The following MARCHF10 variants were observed in gnomAD, a reference collection of about 807,000 sequenced individuals.
The protein encoded by MARCHF10 is membrane associated ring-CH-type finger 10.
Under a neutral mutation model 76.2 loss-of-function variants are expected in MARCHF10, and 64 were observed. The observed-to-expected ratio is 0.84, with a 90% confidence interval of 0.69 to 1.03. The LOEUF (loss-of-function observed/expected upper bound fraction) is 1.03, where lower values mean the gene tolerates loss of function less well. Among genes scored for constraint, MARCHF10 ranks in the 50% least tolerant of loss-of-function variants. The pLI is 0.00. For synonymous variants in MARCHF10, 340 were observed against 357.5 expected, an observed-to-expected ratio of 0.95 and a Z score of 0.55; for missense variants, 875 against 958.0, an observed-to-expected ratio of 0.91 and a Z score of 1.14.
At chr17:62,774,273 G>A (rs554174921) in intron 3 of MARCHF10, among the ~76,000 whole-genome samples, 4 of 152,168 alleles carry the variant, frequency 2.6e-5, no homozygotes, top group African/African-American at 7.2e-5. Flanking sequence ...TGAGGAACTC[G>A]GGATCTGAGA....
chr17:62,753,785 A>G (rs1425379781), intron 4 of MARCHF10, among the ~76,000 whole-genome samples: 1 of 152,124 alleles, frequency 6.6e-6, no homozygotes. Context: ...GCCTTGCACT[A>G]TCTGCCCTTA....
intron 9 of MARCHF10, 22 bp from the exon 10 acceptor site, chr17:62,705,603 G>A: frequency 6.2e-7 from 1 of 1,613,026 alleles, no homozygotes; most frequent in Non-Finnish European, 8.5e-7. Context: ...AAGACAATGA[G>A]AAATGAATTG....
chr17:62,762,991 AT>A (rs2147966167), intron 3 of MARCHF10, among the ~76,000 whole-genome samples: 1 of 152,294 alleles, frequency 6.6e-6, no homozygotes, highest in East Asian at 1.9e-4. Context: ...GCTCTTGCAC[AT>A]AGTAATTGTG....
chr17:62,708,298 C>T (rs57442791), intron 9 of MARCHF10, among the ~76,000 whole-genome samples: 38 of 150,116 alleles, frequency 2.5e-4, no homozygotes, highest in African/African-American at 8.6e-4. Flanking sequence ...CAGGCTGGAG[C>T]GCAGTGGCGC....
chr17:62,769,955 A>G (rs1454213837), intron 3 of MARCHF10, among the ~76,000 whole-genome samples: 1 of 152,132 alleles, frequency 6.6e-6, no homozygotes, highest in East Asian at 1.9e-4. Context: ...GGTTTGTTAC[A>G]TGGGTATATT....
rs9898083 is a variant in MARCHF10, at chr17:62,808,298, A to T, written c.-239T>A. The T allele has an allele frequency of 0.033, 5,066 of 152,196 alleles. 294 individuals are homozygous for T. The highest frequency in any genetic ancestry group is 0.12 in the African/African-American group (4,824 of 41,482). 9.4% of individuals were successfully genotyped at this position (152,196 alleles called of 1,614,324 possible). A position where few individuals can be genotyped will look rare whatever the true frequency, so the allele number is the denominator to read the frequency against. On this transcript the variant is annotated 5_prime_UTR_variant, in exon 1 of 11. Transcript: ENST00000311269. ...CGCCGGCCGGCCTTGCCTGGGGCGG[A>T]GGCGGTGGGGGCGGCTACCGGGCGT... is the stretch of plus-strand genomic sequence containing the variant.
At chr17:62,709,229 C>T (rs149983645) in intron 9 of MARCHF10, among the ~76,000 whole-genome samples, 7,121 of 152,238 alleles carry the variant, frequency 0.047, 541 homozygotes, top group African/African-American at 0.16. Context: ...CCTGTAATCC[C>T]AGCACTTTGG....
chr17:62,796,591 C>G (rs888356994), intron 2 of MARCHF10, among the ~76,000 whole-genome samples: 1 of 152,188 alleles, frequency 6.6e-6, no homozygotes, highest in Non-Finnish European at 1.5e-5. Context: ...AGTTAGGCAA[C>G]ACAGGCTTTC....
At position 62,722,581 on chromosome 17, in the gene MARCHF10, G is replaced by A. The variant is rs1599095753; in HGVS notation, c.2121C>T (p.Ala707=). The change falls in exon 8 of 11, where the codon GCC becomes GCT. Residue 707 remains alanine, a synonymous_variant. Coordinates refer to ENST00000311269, the MANE Select transcript of MARCHF10 (RefSeq NM_152598.4). ...VKITSGADLG[A]VKTCEMCKQG... ...GCTTACACATCTCACAGGTCTTCAC[G>A]GCACCAAGATCTGCTCCTTAAATTG... The A allele has an allele frequency of 5.0e-6, 8 of 1,613,452 alleles. No individual in the cohort carries two copies. The highest frequency in any genetic ancestry group is 2.2e-5 in the East Asian group (1 of 44,884).
At chr17:62,716,972 C>T (rs2090237777) in intron 8 of MARCHF10, among the ~76,000 whole-genome samples, 2 of 152,222 alleles carry the variant, frequency 1.3e-5, no homozygotes, top group South Asian at 4.1e-4. Context: ...CCACAAGGCA[C>T]AGGTGTCCAT....
At chr17:62,765,887 C>G (rs2092317596) in intron 3 of MARCHF10, among the ~76,000 whole-genome samples, 1 of 151,984 alleles carries the variant, frequency 6.6e-6, no homozygotes, top group Middle Eastern at 3.2e-3. Context: ...CAGTATGTGG[C>G]CAGGAAATTG....
chr17:62,789,947 T>C (rs1317778643), intron 2 of MARCHF10, among the ~76,000 whole-genome samples: 1 of 151,986 alleles, frequency 6.6e-6, no homozygotes, highest in Non-Finnish European at 1.5e-5. Flanking sequence ...AAATTAATAA[T>C]AATAATTTTA....
At chr17:62,758,285 G>A (rs1422240682) in intron 4 of MARCHF10, among the ~76,000 whole-genome samples, 1 of 152,060 alleles carries the variant, frequency 6.6e-6, no homozygotes, top group Non-Finnish European at 1.5e-5. Context: ...GGAGGCGGAG[G>A]TTGCAGTGAG....
At chr17:62,768,447 G>A (rs1228721407) in intron 3 of MARCHF10, among the ~76,000 whole-genome samples, 1 of 152,184 alleles carries the variant, frequency 6.6e-6, no homozygotes, top group East Asian at 1.9e-4. Flanking sequence ...TTGAACCTGG[G>A]AGGTAGAGGT....
chr17:62,705,616 T>G (rs943226156), intron 9 of MARCHF10, 35 bp from the exon 10 acceptor site: 1 of 1,613,066 alleles, frequency 6.2e-7, no homozygotes, highest in Non-Finnish European at 8.5e-7. Flanking sequence ...ATGAATTGTT[T>G]TTTCCAATAC....
Position 62,736,292 on chromosome 17 carries a change from C to T in MARCHF10, c.1576G>A (p.Glu526Lys), listed in dbSNP as rs202126080. 85 of 1,614,010 alleles carry T rather than the reference C, an allele frequency of 5.3e-5. No individual in the cohort carries two copies. Among genetic ancestry groups the T allele is most frequent in the Non-Finnish European group, 6.7e-5 (79 of 1,180,036 alleles). Residue 526 changes from glutamate (E) to lysine (K), a missense_variant, in exon 6 of 11, where the codon GAA (glutamate) becomes AAA (lysine). Physicochemically the swap from Glu to Lys is moderately conservative, Grantham distance 56. Transcript: ENST00000311269. ...IRNRTPFASAENHNYFPVNSA... is the reference protein window; with the variant it reads ...IRNRTPFASAKNHNYFPVNSA... ...TTTACTGGGAAATAATTATGGTTTT[C>T]GGCACTGGCAAATGGAGTCCTATTT... is the stretch of plus-strand genomic sequence containing the variant.
rs552647502 is a variant in MARCHF10 at position 62,710,550 on chromosome 17, C to CTTTTTTTTTTTTTTT, written c.2328+666_2328+680dup. 1.0e-4 allele frequency among the ~76,000 whole-genome samples: 9 copies of CTTTTTTTTTTTTTTT among 88,620 alleles called. 2 individuals are homozygous for CTTTTTTTTTTTTTTT. The highest frequency in any genetic ancestry group is 3.5e-4 in the African/African-American group (7 of 19,814). The allele number at this position is 88,620 out of a possible 152,430, so 58.1% of individuals were successfully genotyped here. ...CTTATGACTAACAGTTTGAACCCAG[C>CTTTTTTTTTTTTTTT]TTTTTTTTTTTTTTTTTTTTTTTTT... On this transcript the variant is annotated intron_variant, in intron 9 of 10. Coordinates refer to ENST00000311269, the MANE Select transcript of MARCHF10 (RefSeq NM_152598.4).
At chr17:62,710,542 G>C (rs1410233309) in intron 9 of MARCHF10, among the ~76,000 whole-genome samples, 6 of 135,758 alleles carry the variant, frequency 4.4e-5, no homozygotes, top group Admixed American at 1.5e-4. Context: ...CTAACAGTTT[G>C]AACCCAGCTT....
intron 10 of MARCHF10, 99 bp from the exon 11 acceptor site, chr17:62,701,857 C>T (rs1294395734): frequency 5.3e-6 from 8 of 1,508,550 alleles, no homozygotes; most frequent in Non-Finnish European, 7.3e-6. Context: ...CCCACCCCAT[C>T]CCTGAGGCCC....
Sources: gnomAD v4.1 joint callset for allele counts (sites outside exome capture counted in the v4.1 genomes callset) on GRCh38, gnomAD v4.1.1 for gene constraint, MANE v1.5 for transcripts, NCBI Gene and HGNC (gene_info 2026-07-23, HGNC 2026-07-21) for gene names.